The following ME3 variants were observed in gnomAD, a reference collection of about 807,000 sequenced individuals.
ME3 encodes NADP-dependent malic enzyme, mitochondrial.
A neutral mutation model predicts 68.9 loss-of-function variants in ME3; 48 were observed. The ratio of observed to expected loss-of-function variants is 0.70; its 90% confidence interval spans 0.55 to 0.89. The LOEUF (loss-of-function observed/expected upper bound fraction) is 0.89. ME3 is among the 40% of genes least tolerant of loss of function. The probability of loss-of-function intolerance (pLI) is 0.00; values close to 1 mark genes in which losing one functional copy is unlikely to be tolerated. For missense variants in ME3, 675 were observed against 797.4 expected (o/e 0.85, Z 1.85); for synonymous variants, 320 against 318.8 (o/e 1.00, Z -0.04).
intron 2 of ME3, among the ~76,000 whole-genome samples, chr11:86,608,157 G>A (rs955534587): frequency 6.6e-6 from 1 of 152,148 alleles, no homozygotes; most frequent in Non-Finnish European, 1.5e-5. Flanking sequence ...GAGAGACAGG[G>A]AAGGTTCCAA....
chr11:86,554,436 AGTTT>A (rs1183042973), intron 4 of ME3, among the ~76,000 whole-genome samples: 1 of 152,174 alleles, frequency 6.6e-6, no homozygotes, highest in African/African-American at 2.4e-5. Context: ...TAAAAGTGTT[AGTTT>A]GTTACATGTT....
At chr11:86,524,710 G>T (rs978410029) in intron 4 of ME3, among the ~76,000 whole-genome samples, 1 of 152,172 alleles carries the variant, frequency 6.6e-6, no homozygotes, top group African/African-American at 2.4e-5. Context: ...AGAGAGAACA[G>T]AATGCAGTTT....
rs1179686627 is a variant in ME3 at position 86,671,899 on chromosome 11, C to A, written c.46G>T (p.Gly16Cys). Residue 16 changes from glycine (G) to cysteine (C), a missense_variant, in exon 2 of 15, where the codon GGC (glycine) becomes TGC (cysteine). Coordinates refer to ENST00000543262, the Ensembl canonical transcript of ME3. ...CGCGGGAGGGCGCCGCAGGCCCGGC[C>A]CGGCCAGGGAGCCAGCCGCGTGCCT... 2.0e-6 allele frequency: 3 copies of A among 1,475,430 alleles called. No individual in the cohort carries two copies. The South Asian group carries it at 4.2e-5, about 21-fold the overall frequency. 91.4% of individuals were successfully genotyped at this position (1,475,430 alleles called of 1,614,324 possible).
intron 4 of ME3, among the ~76,000 whole-genome samples, chr11:86,532,021 G>T (rs1431901671): frequency 6.6e-6 from 1 of 151,524 alleles, no homozygotes; most frequent in Non-Finnish European, 1.5e-5. Context: ...GAAAGTGGAG[G>T]GATGGAAAAA....
chr11:86,450,846 T>C (rs1949590268), intron 8 of ME3, among the ~76,000 whole-genome samples: 1 of 152,206 alleles, frequency 6.6e-6, no homozygotes, highest in African/African-American at 2.4e-5. Flanking sequence ...AGTCATAAGG[T>C]TGGCTGTGTC....
intron 2 of ME3, among the ~76,000 whole-genome samples, chr11:86,605,926 T>G (rs1385432855): frequency 6.6e-6 from 1 of 152,066 alleles, no homozygotes; most frequent in Non-Finnish European, 1.5e-5. Flanking sequence ...ACCCCCAACC[T>G]CACCCCAAGT....
intron 2 of ME3, among the ~76,000 whole-genome samples, chr11:86,599,099 G>A (rs1199344152): frequency 5.9e-5 from 9 of 152,250 alleles, no homozygotes; most frequent in Admixed American, 5.2e-4. Context: ...AAGCTGGACG[G>A]AGAATGACTT....
At chr11:86,592,167 C>T (rs1264451469) in intron 2 of ME3, among the ~76,000 whole-genome samples, 2 of 152,224 alleles carry the variant, frequency 1.3e-5, no homozygotes, top group African/African-American at 4.8e-5. Flanking sequence ...TTAATCATTA[C>T]AGACATGGGC....
rs1334513007 is a variant in ME3 at position 86,600,978 on chromosome 11, TA to T, written c.184-41156del. 4.6e-5 allele frequency among the ~76,000 whole-genome samples: 7 copies of T among 151,550 alleles called. No individual in the cohort carries two copies. In the East Asian group the frequency reaches 1.4e-3, roughly 29 times the overall value. On this transcript the variant is annotated intron_variant, in intron 2 of 14. Coordinates refer to ENST00000543262, the Ensembl canonical transcript of ME3. ...GTGTGTAGAGGGAAATTTATAGCAC[TA>T]AATGCCCACAAGAGAAAGCAGGAAA...
At chr11:86,507,864 C>T (rs1170603138) in intron 5 of ME3, among the ~76,000 whole-genome samples, 7 of 151,764 alleles carry the variant, frequency 4.6e-5, no homozygotes, top group South Asian at 2.1e-4. Flanking sequence ...CCATGCCTGT[C>T]GTCCCAGCTA....
At chr11:86,438,447 T>C (rs1206058547), downstream of ME3, among the ~76,000 whole-genome samples, 1 of 152,194 alleles carries the variant, frequency 6.6e-6, no homozygotes, top group Non-Finnish European at 1.5e-5. Context: ...ACTTTTCTTG[T>C]GATATGTTTA....
chr11:86,469,435 C>G (rs1022336330), intron 7 of ME3, among the ~76,000 whole-genome samples: 8 of 152,136 alleles, frequency 5.3e-5, no homozygotes, highest in Non-Finnish European at 8.8e-5. Flanking sequence ...CAGCCACCCT[C>G]CAGGTCATAC....
chr11:86,646,336 C>T (rs1263801571), intron 2 of ME3, among the ~76,000 whole-genome samples: 1 of 152,116 alleles, frequency 6.6e-6, no homozygotes, highest in African/African-American at 2.4e-5. Flanking sequence ...ACTAGAATAA[C>T]CAGTTTAGAG....
rs898363656 is a variant in ME3 at position 86,630,737 on chromosome 11, T to C, written c.183+41025A>G. Among the ~76,000 whole-genome samples the C allele has an allele frequency of 2.0e-5, 3 of 152,218 alleles. No individual in the cohort carries two copies. The East Asian group carries it at 5.8e-4, about 29-fold the overall frequency. ...GCGTCTCCTCAGAAGCTGTTGTTAT[T>C]ATTGAATGACCATGTTACTAAGTGT... is the stretch of plus-strand genomic sequence containing the variant. On this transcript the variant is annotated intron_variant, in intron 2 of 14. Transcript: ENST00000543262.
At chr11:86,439,906 C>G (rs1306121181), downstream of ME3, among the ~76,000 whole-genome samples, 1 of 152,192 alleles carries the variant, frequency 6.6e-6, no homozygotes, top group African/African-American at 2.4e-5. Context: ...ACTCTTCAAA[C>G]TCTCTTCTGA....
At chr11:86,574,504 C>T (rs1594509779) in intron 2 of ME3, among the ~76,000 whole-genome samples, 1 of 151,772 alleles carries the variant, frequency 6.6e-6, no homozygotes, top group South Asian at 2.1e-4. Context: ...TGCAGGTCTA[C>T]TGCAGTTTGC....
chr11:86,445,718 CT>C (rs1394275106), intron 13 of ME3, among the ~76,000 whole-genome samples: 1 of 151,998 alleles, frequency 6.6e-6, no homozygotes, highest in Non-Finnish European at 1.5e-5. Context: ...TTAATGGATT[CT>C]TTCATGGTTT....
intron 4 of ME3, among the ~76,000 whole-genome samples, chr11:86,552,349 A>C (rs1956732217): frequency 6.6e-6 from 1 of 152,146 alleles, no homozygotes; most frequent in Non-Finnish European, 1.5e-5. Context: ...CCTTTGACCA[A>C]AACTTTAGTT....
chr11:86,518,446 C>T (rs984331463), intron 4 of ME3, among the ~76,000 whole-genome samples: 5 of 152,146 alleles, frequency 3.3e-5, no homozygotes, highest in Non-Finnish European at 7.3e-5. Context: ...CCAGTGACTC[C>T]CCTAGGAAAT....
Sources: gnomAD v4.1 joint callset for allele counts (sites outside exome capture counted in the v4.1 genomes callset) on GRCh38, gnomAD v4.1.1 for gene constraint, MANE v1.5 for transcripts, NCBI Gene and HGNC (gene_info 2026-07-23, HGNC 2026-07-21) for gene names.